PRRG4: variants seen among roughly 807,000 people sequenced by gnomAD.
The protein encoded by PRRG4 is proline rich and Gla domain 4, also known as transmembrane gamma-carboxyglutamic acid protein 4.
PRRG4 carries 12 observed loss-of-function variants against 20.0 expected under a neutral mutation model. The observed-to-expected ratio is 0.60, with a 90% CI of 0.38 to 0.97. The LOEUF is 0.97. PRRG4 is among the 50% of genes least tolerant of loss of function. PRRG4 has a pLI of 0.00. For missense variants in PRRG4, 199 were observed against 265.1 expected, an observed-to-expected ratio of 0.75 and a Z score of 1.73; for synonymous variants, 94 against 96.4, an observed-to-expected ratio of 0.98 and a Z score of 0.15.
chr11:32,839,393 T>G (rs1468628411), intron 4 of PRRG4, among the ~76,000 whole-genome samples: 1 of 152,106 alleles, frequency 6.6e-6, no homozygotes, highest in Non-Finnish European at 1.5e-5. Flanking sequence ...AGTCAGGTGT[T>G]TTTTTCGCCA....
At chr11:32,844,527 G>A (rs1851110066) in intron 5 of PRRG4, among the ~76,000 whole-genome samples, 1 of 149,020 alleles carries the variant, frequency 6.7e-6, no homozygotes, top group African/African-American at 2.5e-5. Flanking sequence ...TTGAGACGGA[G>A]TCTAGCTCTG....
chr11:32,837,071 G>A (rs58910879), intron 3 of PRRG4, among the ~76,000 whole-genome samples: 20,216 of 152,070 alleles, frequency 0.13, 1,451 homozygotes, highest in South Asian at 0.22. Flanking sequence ...ATATTTAAAA[G>A]TAATCATGGG....
rs1242614108 is a variant in PRRG4, at chr11:32,853,542, TG to T, written c.*17del. 6.3e-7 allele frequency: 1 copy of T among 1,595,684 alleles called. No homozygotes were observed. Among genetic ancestry groups the T allele is most frequent in the African/African-American group, 1.3e-5 (1 of 74,620 alleles). On this transcript the variant is annotated 3_prime_UTR_variant, in exon 6 of 6. Coordinates refer to ENST00000257836, the MANE Select transcript of PRRG4 (RefSeq NM_024081.6). The stretch of plus-strand genomic sequence containing the variant: ...CATCTCACTGACTACCTTGTCATTT[TG>T]GTATAAGAAATTTGTGTTATTTGAT...
At chr11:32,842,082 A>G (rs1289686176) in intron 5 of PRRG4, among the ~76,000 whole-genome samples, 5 of 152,242 alleles carry the variant, frequency 3.3e-5, no homozygotes, top group Admixed American at 2.0e-4. Context: ...AAATAGGCCT[A>G]TAAGAAACTG....
In PRRG4 at chr11:32,855,485, T is replaced by C. The variant is rs1851222254; in HGVS notation, c.*1958T>C. ...ACAGGAGTGAGACTGCAAACCCACATGTTTGATAGTTCCTACCAAATTAAA... is the reference window on the plus strand; with the variant it reads ...ACAGGAGTGAGACTGCAAACCCACACGTTTGATAGTTCCTACCAAATTAAA... On this transcript the variant is annotated 3_prime_UTR_variant, in exon 6 of 6. Coordinates refer to ENST00000257836, the MANE Select transcript of PRRG4 (RefSeq NM_024081.6). 6.6e-6 allele frequency: 1 copy of C among 152,230 alleles called. No individual in the cohort carries two copies. 9.4% of individuals were successfully genotyped at this position (152,230 alleles called of 1,614,324 possible). A position where few individuals can be genotyped will look rare whatever the true frequency, so the allele number is the denominator to read the frequency against.
intron 1 of PRRG4, 125 bp downstream of exon 1, chr11:32,830,298 C>G: frequency 1.2e-6 from 1 of 849,662 alleles, no homozygotes; most frequent in African/African-American, 1.8e-5. Context: ...CCGATCAGCC[C>G]TCGGCAGGGT....
intron 5 of PRRG4, among the ~76,000 whole-genome samples, chr11:32,847,533 T>C (rs372341769): frequency 6.6e-6 from 1 of 152,222 alleles, no homozygotes; most frequent in Non-Finnish European, 1.5e-5. Flanking sequence ...TGGAACCTCA[T>C]ATTCACATTG....
At chr11:32,832,112 A>T (rs766110224) in intron 2 of PRRG4, among the ~76,000 whole-genome samples, 4 of 152,176 alleles carry the variant, frequency 2.6e-5, no homozygotes, top group Non-Finnish European at 5.9e-5. Flanking sequence ...TGTCTGTGGA[A>T]ATGTGAATGA....
chr11:32,854,706 G>A lies in PRRG4; in HGVS notation c.*1179G>A, dbSNP rs1851214926. 6.6e-6 allele frequency: 1 copy of A among 151,978 alleles called. No individual in the cohort carries two copies. Among genetic ancestry groups the A allele is most frequent in the South Asian group, 2.1e-4 (1 of 4,836 alleles). 9.4% of individuals were successfully genotyped at this position (151,978 alleles called of 1,614,324 possible). On this transcript the variant is annotated 3_prime_UTR_variant, in exon 6 of 6. Coordinates refer to ENST00000257836, the MANE Select transcript of PRRG4 (RefSeq NM_024081.6). ...TTAATATAATCACTTGGTTTTATAT[G>A]TTAAATTATTGCACAGCAGTCATCA...
intron 1 of PRRG4, 28 bp downstream of exon 1, chr11:32,830,201 C>T (rs747534990): frequency 7.5e-6 from 8 of 1,068,774 alleles, no homozygotes; most frequent in Non-Finnish European, 9.1e-6. Flanking sequence ...AGGACCTCGG[C>T]GGGGAGGGGG....
At chr11:32,844,471 T>C (rs1387553413) in intron 5 of PRRG4, among the ~76,000 whole-genome samples, 296 of 4,106 alleles carry the variant, frequency 0.072, no homozygotes, top group African/African-American at 0.25. Context: ...TGTTAGCTAT[T>C]ATTATTATTA....
Position 32,855,751 on chromosome 11 carries a change from T to C in PRRG4, c.*2224T>C, listed in dbSNP as rs1338197467. On this transcript the variant is annotated 3_prime_UTR_variant, in exon 6 of 6. Transcript: ENST00000257836. ...TTACCCACGTTGCATATAAAAATCTTGCTATTCCTTGTGTCTTGGCTTTAC... is the reference window on the plus strand; with the variant it reads ...TTACCCACGTTGCATATAAAAATCTCGCTATTCCTTGTGTCTTGGCTTTAC... 2.0e-5 allele frequency: 3 copies of C among 152,244 alleles called. No homozygotes were observed. Among genetic ancestry groups the C allele is most frequent in the Admixed American group, 6.5e-5 (1 of 15,282 alleles). The allele number at this position is 152,244 out of a possible 1,614,324, so 9.4% of individuals were successfully genotyped here.
At chr11:32,844,375 A>T (rs1851107305) in intron 5 of PRRG4, among the ~76,000 whole-genome samples, 1 of 152,116 alleles carries the variant, frequency 6.6e-6, no homozygotes, top group Non-Finnish European at 1.5e-5. Flanking sequence ...TGTATGTCAT[A>T]AGGGACTTAC....
intron 2 of PRRG4, among the ~76,000 whole-genome samples, 197 bp downstream of exon 2, chr11:32,830,829 T>A (rs1280951355): frequency 6.6e-6 from 1 of 152,180 alleles, no homozygotes; most frequent in African/African-American, 2.4e-5. Flanking sequence ...TGTCTGTGAG[T>A]CTCCTTTAAT....
chr11:32,847,194 C>T (rs989415020), intron 5 of PRRG4, among the ~76,000 whole-genome samples: 1 of 151,826 alleles, frequency 6.6e-6, no homozygotes, highest in African/African-American at 2.4e-5. Flanking sequence ...GGCTGGAGTG[C>T]AATGGCAAAT....
intron 5 of PRRG4, among the ~76,000 whole-genome samples, chr11:32,850,969 A>T (rs992263627): frequency 5.3e-5 from 8 of 152,324 alleles, no homozygotes; most frequent in Admixed American, 1.3e-4. Flanking sequence ...TCTATTCAGG[A>T]GGCTGAGGCA....
In PRRG4 at chr11:32,840,757, C is replaced by T. The variant is rs1414666829; in HGVS notation, c.449+518C>T. 6.6e-6 allele frequency among the ~76,000 whole-genome samples: 1 copy of T among 152,196 alleles called. No individual in the cohort carries two copies. Among genetic ancestry groups the T allele is most frequent in the Non-Finnish European group, 1.5e-5 (1 of 68,032 alleles). ...TTAAGCAAGAGGCAGATACCAGTGT[C>T]TTCACATTATTTCCAGAGGCAAGAA... is the stretch of plus-strand genomic sequence containing the variant. On this transcript the variant is annotated intron_variant, in intron 5 of 5. Coordinates refer to ENST00000257836, the MANE Select transcript of PRRG4 (RefSeq NM_024081.6). The surrounding 1 kb of genome is among the most constrained non-coding windows in gnomAD (Gnocchi z 4.1).
chr11:32,838,556 A>G (rs986510859), intron 3 of PRRG4, among the ~76,000 whole-genome samples: 13 of 152,046 alleles, frequency 8.6e-5, no homozygotes, highest in African/African-American at 3.1e-4. Context: ...CTCAACTTCT[A>G]CCTTTGGTAC....
intron 3 of PRRG4, among the ~76,000 whole-genome samples, chr11:32,837,897 C>T (rs1851039332): frequency 6.6e-6 from 1 of 152,114 alleles, no homozygotes; most frequent in East Asian, 1.9e-4. Context: ...ACCCTAGCTC[C>T]TTTTTCCCTT....
Sources: gnomAD v4.1 joint callset for allele counts (sites outside exome capture counted in the v4.1 genomes callset) on GRCh38, gnomAD v4.1.1 for gene constraint, Gnocchi (gnomAD v3.1) non-coding constraint, MANE v1.5 for transcripts, NCBI Gene and HGNC (gene_info 2026-07-23, HGNC 2026-07-21) for gene names.